The following SSU72 variants were observed in gnomAD, a reference collection of about 807,000 sequenced individuals.
SSU72 encodes SSU72 homolog, RNA polymerase II CTD phosphatase.
A neutral mutation model predicts 22.7 loss-of-function variants in SSU72; 12 were observed. The observed-to-expected ratio is 0.53, with a 90% CI of 0.34 to 0.86. The LOEUF (loss-of-function observed/expected upper bound fraction) is 0.86. Among genes scored for constraint, SSU72 ranks in the 40% least tolerant of loss-of-function variants. The pLI, the probability that SSU72 is intolerant of heterozygous loss-of-function variation, is 0.02. For missense variants in SSU72, 151 were observed against 249.8 expected (o/e 0.60, Z 2.67); for synonymous variants, 116 against 98.3 (o/e 1.18, Z -1.06).
intron 2 of SSU72, among the ~76,000 whole-genome samples, chr1:1,559,571 A>C (rs905811319): frequency 6.6e-6 from 1 of 152,186 alleles, no homozygotes; most frequent in Non-Finnish European, 1.5e-5. Flanking sequence ...TCCCTGGTCC[A>C]GGTATATACA....
chr1:1,571,949 T>C (rs11801333), intron 1 of SSU72, among the ~76,000 whole-genome samples: 7,407 of 151,206 alleles, frequency 0.049, 583 homozygotes, highest in African/African-American at 0.17. Context: ...CGCCCGTCAC[T>C]ATGCCGGGGT....
At position 1,554,964 on chromosome 1, in the gene SSU72, C is replaced by T. The variant is rs1642503094; in HGVS notation, c.224+9809G>A. ...TGAAGGTGTTGATGCTCCGTGGAAGCCTTGGTCCTTCCCCGGAAGGCCACA... is the reference window on the plus strand; with the variant it reads ...TGAAGGTGTTGATGCTCCGTGGAAGTCTTGGTCCTTCCCCGGAAGGCCACA... On this transcript the variant is annotated intron_variant, in intron 2 of 4. Coordinates refer to ENST00000291386, the MANE Select transcript of SSU72 (RefSeq NM_014188.3). The surrounding 1 kb of genome is among the most constrained non-coding windows in gnomAD (Gnocchi z 4.1). Among the ~76,000 whole-genome samples the T allele has an allele frequency of 1.3e-5, 2 of 152,152 alleles. No individual in the cohort carries two copies. Among genetic ancestry groups the T allele is most frequent in the Admixed American group, 1.3e-4 (2 of 15,272 alleles).
At chr1:1,552,113 C>T (rs568064803) in intron 2 of SSU72, among the ~76,000 whole-genome samples, 9 of 152,330 alleles carry the variant, frequency 5.9e-5, no homozygotes, top group African/African-American at 1.9e-4. Context: ...CTCTGGAGGG[C>T]GCCGGCTGCC....
intron 1 of SSU72, among the ~76,000 whole-genome samples, chr1:1,569,678 A>C (rs538910353): frequency 1.3e-5 from 2 of 152,266 alleles, no homozygotes; most frequent in Admixed American, 1.3e-4. Context: ...AAGTTTTAAA[A>C]TGTTTTGTAA....
intron 2 of SSU72, among the ~76,000 whole-genome samples, chr1:1,546,860 CAA>C (rs1169308811): frequency 1.5e-4 from 11 of 75,138 alleles, no homozygotes; most frequent in African/African-American, 3.6e-4. Flanking sequence ...ACAACAACAA[CAA>C]AAAAAAAAAA....
At chr1:1,549,086 A>G (rs984759457) in intron 2 of SSU72, among the ~76,000 whole-genome samples, 1 of 152,144 alleles carries the variant, frequency 6.6e-6, no homozygotes, top group African/African-American at 2.4e-5. Context: ...AGAGATCTGG[A>G]ATATTGTCTC....
At position 1,574,612 on chromosome 1, in the gene SSU72, C is replaced by A; in HGVS notation, c.-55G>T. ...CGCTTGGGTTCCCACCCTACCGCGG[C>A]GCTTCCGCGCGAACAAAATGGCGGC... On this transcript the variant is annotated 5_prime_UTR_variant, in exon 1 of 5. Coordinates refer to ENST00000291386, the MANE Select transcript of SSU72 (RefSeq NM_014188.3). 2 of 1,504,562 alleles carry A rather than the reference C, an allele frequency of 1.3e-6. No individual in the cohort carries two copies. The highest frequency in any genetic ancestry group is 8.9e-7 in the Non-Finnish European group (1 of 1,121,660). 93.2% of individuals were successfully genotyped at this position (1,504,562 alleles called of 1,614,324 possible). A position where few individuals can be genotyped will look rare whatever the true frequency, so the allele number is the denominator to read the frequency against.
At chr1:1,568,558 A>G (rs1642689933) in intron 1 of SSU72, among the ~76,000 whole-genome samples, 1 of 151,978 alleles carries the variant, frequency 6.6e-6, no homozygotes. Context: ...GGGCCCCGTG[A>G]TGGTGCCACT....
chr1:1,570,574 C>G (rs369445117), intron 1 of SSU72, among the ~76,000 whole-genome samples: 1 of 152,092 alleles, frequency 6.6e-6, no homozygotes, highest in Non-Finnish European at 1.5e-5. Context: ...AGGGACCCCC[C>G]CCACCCCAAA....
At chr1:1,556,384 C>CA (rs1408607979) in intron 2 of SSU72, among the ~76,000 whole-genome samples, 2 of 151,958 alleles carry the variant, frequency 1.3e-5, no homozygotes, top group Non-Finnish European at 2.9e-5. Context: ...ACTAAAAATA[C>CA]AAAAAATTAG....
At position 1,570,208 on chromosome 1, in the gene SSU72, C is replaced by CTAA. The variant is rs1642710409; in HGVS notation, c.80+4269_80+4270insTTA. On this transcript the variant is annotated intron_variant, in intron 1 of 4. Coordinates refer to ENST00000291386, the MANE Select transcript of SSU72 (RefSeq NM_014188.3). ...CTTTGGGGCGCTGAGGCAGGAGGAT[C>CTAA]GTTTTAGCCCAGATATTCAAGGGTG... 2.0e-5 allele frequency among the ~76,000 whole-genome samples: 3 copies of CTAA among 150,754 alleles called. No individual in the cohort carries two copies. The Admixed American group carries it at 2.0e-4, about 10-fold the overall frequency.
chr1:1,573,048 G>A (rs1423395887), intron 1 of SSU72, among the ~76,000 whole-genome samples: 1 of 151,958 alleles, frequency 6.6e-6, no homozygotes, highest in Non-Finnish European at 1.5e-5. Flanking sequence ...CAGCACTTTG[G>A]GAGGCCGAGG....
At chr1:1,545,162 G>T in intron 2 of SSU72, 160 bp from the exon 3 acceptor site, 1 of 795,076 alleles carries the variant, frequency 1.3e-6, no homozygotes, top group Middle Eastern at 3.7e-4. Context: ...TGAGGCAGGG[G>T]CCTCACTGTC....
chr1:1,543,404 C>G (rs1642349024), intron 4 of SSU72, among the ~76,000 whole-genome samples: 1 of 152,210 alleles, frequency 6.6e-6, no homozygotes, highest in Non-Finnish European at 1.5e-5. Flanking sequence ...GAGCCGTGTC[C>G]TGGGAGAGGG....
Position 1,542,275 on chromosome 1 carries a change from G to T in SSU72, c.484-108C>A, listed in dbSNP as rs1027159725. 133 of 1,065,556 alleles carry T rather than the reference G, an allele frequency of 1.2e-4. No homozygotes were observed. The highest frequency in any genetic ancestry group is 1.6e-4 in the Non-Finnish European group (118 of 724,076). 66.0% of individuals were successfully genotyped at this position (1,065,556 alleles called of 1,614,324 possible). A position where few individuals can be genotyped will look rare whatever the true frequency, so the allele number is the denominator to read the frequency against. On this transcript the variant is annotated intron_variant, in intron 4 of 4. Coordinates refer to ENST00000291386, the MANE Select transcript of SSU72 (RefSeq NM_014188.3). The surrounding 1 kb of genome is among the most constrained non-coding windows in gnomAD (Gnocchi z 4.4). ...CAGGCCTGAGCCAGCAGAAACCAGC[G>T]CAGCAGGCAGGCCCTCACCCCACCG...
chr1:1,557,795 C>G (rs968019140), intron 2 of SSU72, among the ~76,000 whole-genome samples: 3 of 151,964 alleles, frequency 2.0e-5, no homozygotes, highest in Admixed American at 2.0e-4. Flanking sequence ...GAGACTCCAT[C>G]TCAAAAAAGA....
chr1:1,569,953 C>G (rs1295335914), intron 1 of SSU72, among the ~76,000 whole-genome samples: 1 of 152,142 alleles, frequency 6.6e-6, no homozygotes, highest in Non-Finnish European at 1.5e-5. Context: ...GCTTTTTTCA[C>G]TTACCATAAG....
chr1:1,542,227 C>T lies in SSU72; in HGVS notation c.484-60G>A. On this transcript the variant is annotated intron_variant, in intron 4 of 4. Transcript: ENST00000291386. The surrounding 1 kb of genome is among the most constrained non-coding windows in gnomAD (Gnocchi z 4.4). The stretch of plus-strand genomic sequence containing the variant: ...ACTCCTGCCTGTCTGCTCCCCCTAA[C>T]ACCTGGATCGCCAGGGAAACGCCAG... 1 of 1,498,986 alleles carries T rather than the reference C, an allele frequency of 6.7e-7. No homozygotes were observed. The highest frequency in any genetic ancestry group is 9.1e-7 in the Non-Finnish European group (1 of 1,100,176). The allele number at this position is 1,498,986 out of a possible 1,614,324, so 92.9% of individuals were successfully genotyped here. A position where few individuals can be genotyped will look rare whatever the true frequency, so the allele number is the denominator to read the frequency against.
intron 1 of SSU72, among the ~76,000 whole-genome samples, chr1:1,573,653 G>C (rs1283073588): frequency 6.6e-6 from 1 of 152,102 alleles, no homozygotes; most frequent in Non-Finnish European, 1.5e-5. Context: ...AAGGGGGACT[G>C]TTAATTTTCC....
Sources: gnomAD v4.1 joint callset for allele counts (sites outside exome capture counted in the v4.1 genomes callset) on GRCh38, gnomAD v4.1.1 for gene constraint, Gnocchi (gnomAD v3.1) non-coding constraint, MANE v1.5 for transcripts, NCBI Gene and HGNC (gene_info 2026-07-23, HGNC 2026-07-21) for gene names.